TRIM21: variants seen among roughly 807,000 people sequenced by gnomAD.
TRIM21 encodes tripartite motif containing 21.
In TRIM21, 35 loss-of-function variants were observed where a neutral mutation model predicts 36.1. The ratio of observed to expected loss-of-function variants is 0.97; its 90% CI spans 0.74 to 1.28. The LOEUF is 1.28. Ranked by LOEUF, TRIM21 falls within the 50% of genes most tolerant of loss-of-function variation. The probability of loss-of-function intolerance (pLI) is 0.00; values close to 1 mark genes in which losing one functional copy is unlikely to be tolerated. For synonymous variants in TRIM21, 256 were observed against 211.5 expected, an observed-to-expected ratio of 1.21 and a Z score of -1.83; for missense variants, 635 against 570.7, an observed-to-expected ratio of 1.11 and a Z score of -1.15.
At chr11:4,392,981 C>T (rs1262993553) in intron 1 of TRIM21, among the ~76,000 whole-genome samples, 1 of 152,120 alleles carries the variant, frequency 6.6e-6, no homozygotes, top group South Asian at 2.1e-4. Context: ...CGGCGGAAGT[C>T]AGTTGCATAT....
In TRIM21 at chr11:4,386,371, C is replaced by A. The variant is rs924664324; in HGVS notation, c.759-114G>T. 3.1e-5 allele frequency: 28 copies of A among 899,950 alleles called. No individual in the cohort carries two copies. The East Asian group carries it at 7.4e-4, about 24-fold the overall frequency. The allele number at this position is 899,950 out of a possible 1,614,324, so 55.7% of individuals were successfully genotyped here. ...TTAATTCAACTCAAATTTACAAAGA[C>A]CTCTGGTGTTCAAGTCTCCAGGAGT... On this transcript the variant is annotated intron_variant, in intron 5 of 6. Transcript: ENST00000254436.
At chr11:4,390,529 A>C in intron 1 of TRIM21, 71 bp from the exon 2 acceptor site, 1 of 951,882 alleles carries the variant, frequency 1.1e-6, no homozygotes, top group East Asian at 2.6e-5. Context: ...AGTCAACATA[A>C]TCCCTATCAA....
At chr11:4,386,646 C>T (rs753933039) in intron 5 of TRIM21, among the ~76,000 whole-genome samples, 6 of 152,106 alleles carry the variant, frequency 3.9e-5, no homozygotes, top group Non-Finnish European at 8.8e-5. Context: ...TGGTTAGATT[C>T]CACTGAGAAA....
In TRIM21 at chr11:4,385,530, G is replaced by A. The variant is rs1413555674; in HGVS notation, c.1183C>T (p.Gln395Ter). The A allele has an allele frequency of 2.5e-6, 4 of 1,611,656 alleles. No homozygotes were observed. Among genetic ancestry groups the A allele is most frequent in the Non-Finnish European group, 2.5e-6 (3 of 1,178,966 alleles). ...GGCACCTGAAGGTGGAGGGGAGTCT[G>A]GGGGTAGGTGCCAGCCTCATATTTT... ...KQKYEAGTYP[Q>*]TPLHLQVPPC... The change falls in exon 7 of 7, where the codon CAG becomes TAG. Residue 395 changes from glutamine to a stop codon, truncating the protein, a stop_gained. Coordinates refer to ENST00000254436, the MANE Select transcript of TRIM21 (RefSeq NM_003141.4). LOFTEE classifies it low-confidence loss of function (END_TRUNC).
intron 5 of TRIM21, 119 bp downstream of exon 5, chr11:4,386,849 G>A: frequency 9.6e-7 from 1 of 1,046,904 alleles, no homozygotes; most frequent in Non-Finnish European, 1.4e-6. Flanking sequence ...TGAAGTTTTT[G>A]AGAATAGGAA....
Position 4,388,508 on chromosome 11 carries a change from G to T in TRIM21, c.527C>A (p.Ser176Tyr), listed in dbSNP as rs760381542. Residue 176 changes from serine (S) to tyrosine (Y), a missense_variant, in exon 4 of 7, where the codon TCT (serine) becomes TAT (tyrosine). Ser to Tyr is a moderately radical substitution (Grantham distance 144). Coordinates refer to ENST00000254436, the MANE Select transcript of TRIM21 (RefSeq NM_003141.4). ...CTGCACAAACTCTGCGTGAATCCTA[G>T]ATTTCTGTGTTTCCACTGTTTTCTT... is the stretch of plus-strand genomic sequence containing the variant. ...DWKKTVETQK[S>Y]RIHAEFVQQK... is the part of the protein sequence containing the mutation. The T allele has an allele frequency of 1.4e-5, 22 of 1,610,160 alleles. No homozygotes were observed. Among genetic ancestry groups the T allele is most frequent in the Non-Finnish European group, 1.9e-5 (22 of 1,179,868 alleles).
chr11:4,387,251 GT>G (rs10700793), intron 4 of TRIM21, among the ~76,000 whole-genome samples: 17 of 131,466 alleles, frequency 1.3e-4, no homozygotes, highest in African/African-American at 2.3e-4. Context: ...TCAAAGACCA[GT>G]TTTTTTTTTT....
Position 4,385,161 on chromosome 11 carries a change from G to A in TRIM21, c.*124C>T, listed in dbSNP as rs531626715. 1.5e-4 allele frequency: 138 copies of A among 922,634 alleles called. 1 individual carries two copies. The highest frequency in any genetic ancestry group is 5.4e-4 in the South Asian group (29 of 53,904). The allele number at this position is 922,634 out of a possible 1,614,324, so 57.2% of individuals were successfully genotyped here. ...TGAAGTGACTTCCCTGCTAAAGCTC[G>A]CTTGCTGGGATCCGGATGCCTCTGC... is the stretch of plus-strand genomic sequence containing the variant. On this transcript the variant is annotated 3_prime_UTR_variant, in exon 7 of 7. Transcript: ENST00000254436.
At position 4,389,999 on chromosome 11, in the gene TRIM21, C is replaced by T. The variant is rs1477078407; in HGVS notation, c.408+3G>A. 3.1e-6 allele frequency: 5 copies of T among 1,613,124 alleles called. No individual in the cohort carries two copies. The highest frequency in any genetic ancestry group is 4.2e-6 in the Non-Finnish European group (5 of 1,179,462). On this transcript the variant is annotated splice_donor_region_variant and intron_variant, in intron 2 of 6. Transcript: ENST00000254436. Reference sequence around the variant, plus strand: ...CACTCACCAGGTGTCTCTTAGGCCTCACCTGGTACTCCTGTGCAGCCTCCT... The same window carrying T: ...CACTCACCAGGTGTCTCTTAGGCCTTACCTGGTACTCCTGTGCAGCCTCCT...
In TRIM21 at chr11:4,386,006, C is replaced by T. The variant is rs924172091; in HGVS notation, c.859+151G>A. 7 of 1,068,388 alleles carry T rather than the reference C, an allele frequency of 6.6e-6. No homozygotes were observed. In the Admixed American group the frequency reaches 6.6e-5, roughly 10 times the overall value. The allele number at this position is 1,068,388 out of a possible 1,614,324, so 66.2% of individuals were successfully genotyped here. A position where few individuals can be genotyped will look rare whatever the true frequency, so the allele number is the denominator to read the frequency against. ...ACCATCAGCCAGTTCTGGCCTTGGT[C>T]CTGACCTCTGAAGAAACCATCTTCC... On this transcript the variant is annotated intron_variant, in intron 6 of 6. Coordinates refer to ENST00000254436, the MANE Select transcript of TRIM21 (RefSeq NM_003141.4).
chr11:4,389,810 C>G, intron 2 of TRIM21, 61 bp from the exon 3 acceptor site: 1 of 1,552,576 alleles, frequency 6.4e-7, no homozygotes, highest in African/African-American at 1.4e-5. Context: ...TGGGGTAATC[C>G]TTGCAGCATT....
intron 1 of TRIM21, among the ~76,000 whole-genome samples, chr11:4,391,761 C>T (rs1457453986): frequency 2.6e-5 from 4 of 152,160 alleles, no homozygotes; most frequent in African/African-American, 9.7e-5. Flanking sequence ...ATAATGAGAT[C>T]CTGTCATTCA....
chr11:4,385,249 G>C lies in TRIM21; in HGVS notation c.*36C>G. On this transcript the variant is annotated 3_prime_UTR_variant, in exon 7 of 7. Coordinates refer to ENST00000254436, the MANE Select transcript of TRIM21 (RefSeq NM_003141.4). The stretch of plus-strand genomic sequence containing the variant: ...GCAGGGTTTGTGGCTGAGAAGCGGT[G>C]CCAATGGGGAGAGTGGCAGTGTCCA... 4.5e-6 allele frequency: 7 copies of C among 1,567,074 alleles called. No individual in the cohort carries two copies. The highest frequency in any genetic ancestry group is 6.1e-6 in the Non-Finnish European group (7 of 1,153,972).
chr11:4,393,031 C>A (rs1421138422), intron 1 of TRIM21, among the ~76,000 whole-genome samples: 1 of 152,186 alleles, frequency 6.6e-6, no homozygotes, highest in Non-Finnish European at 1.5e-5. Context: ...CACAGAGTAA[C>A]AGGAACCGTG....
chr11:4,386,446 T>A, intron 5 of TRIM21, 189 bp from the exon 6 acceptor site: 1 of 647,022 alleles, frequency 1.5e-6, no homozygotes, highest in Admixed American at 2.3e-5. Flanking sequence ...CAGGAGTTCC[T>A]GGTTATAGGA....
chr11:4,389,830 A>C, intron 2 of TRIM21, 81 bp from the exon 3 acceptor site: 1 of 1,499,362 alleles, frequency 6.7e-7, no homozygotes, highest in South Asian at 1.1e-5. Context: ...TTTCTCATGC[A>C]TATCTCCTAC....
chr11:4,388,535 A>T lies in TRIM21; in HGVS notation c.505-5T>A. 2 of 1,605,486 alleles carry T rather than the reference A, an allele frequency of 1.2e-6. No individual in the cohort carries two copies. Among genetic ancestry groups the T allele is most frequent in the Non-Finnish European group, 1.7e-6 (2 of 1,179,582 alleles). ...TTTCTGTGTTTCCACTGTTTTCTTT[A>T]GTGTCAAGGGAAAGGGAGAGGTGGT... On this transcript the variant is annotated splice_region_variant and splice_polypyrimidine_tract_variant and intron_variant, in intron 3 of 6. Transcript: ENST00000254436.
At position 4,393,675 on chromosome 11, in the gene TRIM21, CTTTCAG is replaced by C. The variant is rs2094966007; in HGVS notation, c.-98_-93del. On this transcript the variant is annotated 5_prime_UTR_variant, in exon 1 of 7. Transcript: ENST00000254436. The stretch of plus-strand genomic sequence containing the variant: ...CGCTGGTAGCCAGCTCCCTATTTCA[CTTTCAG>C]TTTCCGCTCAGAAGCAAGTCTGAGA... 6.6e-6 allele frequency: 1 copy of C among 152,362 alleles called. No homozygotes were observed. The highest frequency in any genetic ancestry group is 2.4e-5 in the African/African-American group (1 of 41,424). The allele number at this position is 152,362 out of a possible 1,614,324, so 9.4% of individuals were successfully genotyped here. A position where few individuals can be genotyped will look rare whatever the true frequency, so the allele number is the denominator to read the frequency against.
intron 3 of TRIM21, 103 bp from the exon 4 acceptor site, chr11:4,388,633 T>C (rs2094959256): frequency 1.8e-6 from 2 of 1,108,154 alleles, no homozygotes; most frequent in Non-Finnish European, 2.6e-6. Context: ...GACTCCACTC[T>C]GTGCTGTCTG....
Sources: gnomAD v4.1 joint callset for allele counts (sites outside exome capture counted in the v4.1 genomes callset) on GRCh38, gnomAD v4.1.1 for gene constraint, MANE v1.5 for transcripts, NCBI Gene and HGNC (gene_info 2026-07-23, HGNC 2026-07-21) for gene names.